The following DIS3L2 variants were observed in gnomAD, a reference collection of about 807,000 sequenced individuals.
The protein encoded by DIS3L2 is DIS3-like exonuclease 2.
In DIS3L2, 34 loss-of-function variants were observed where a neutral mutation model predicts 97.5. The observed-to-expected ratio is 0.35, with a 90% CI of 0.27 to 0.46. The LOEUF is 0.46. Ranked by LOEUF, DIS3L2 falls within the 20% of genes least tolerant of loss-of-function variation. The pLI, the probability that DIS3L2 is intolerant of heterozygous loss-of-function variation, is 1.00. For synonymous variants in DIS3L2, 435 were observed against 445.2 expected (o/e 0.98, Z 0.29); for missense variants, 1,038 against 1,146.0 (o/e 0.91, Z 1.36).
At chr2:231,980,088 A>G (rs1045326956) in intron 1 of DIS3L2, among the ~76,000 whole-genome samples, 1 of 152,172 alleles carries the variant, frequency 6.6e-6, no homozygotes, top group Non-Finnish European at 1.5e-5. Flanking sequence ...GTGTCATAGG[A>G]TGTTTTTCAA....
chr2:232,116,244 G>A (rs565303087), intron 6 of DIS3L2, among the ~76,000 whole-genome samples: 5 of 152,116 alleles, frequency 3.3e-5, no homozygotes, highest in African/African-American at 1.2e-4. Flanking sequence ...CTATTGTGAA[G>A]TTAAGCTTCA....
chr2:232,025,971 C>G (rs559440015), intron 4 of DIS3L2, among the ~76,000 whole-genome samples: 1 of 152,254 alleles, frequency 6.6e-6, no homozygotes, highest in South Asian at 2.1e-4. Context: ...TCCTGAGAGA[C>G]AGCTGGGAAC....
At chr2:232,008,909 T>C (rs865903517) in intron 1 of DIS3L2, among the ~76,000 whole-genome samples, 14 of 152,204 alleles carry the variant, frequency 9.2e-5, no homozygotes, top group East Asian at 5.8e-4. Context: ...AATTTCCTTG[T>C]TCTTTCTTTT....
chr2:231,993,271 T>C (rs1574793861), intron 1 of DIS3L2, among the ~76,000 whole-genome samples: 1 of 152,000 alleles, frequency 6.6e-6, no homozygotes, highest in South Asian at 2.1e-4. Context: ...TGGAGTGCAG[T>C]GGTACGATCT....
chr2:232,130,515 G>A, intron 6 of DIS3L2, 104 bp from the exon 7 acceptor site: 3 of 1,360,750 alleles, frequency 2.2e-6, no homozygotes, highest in Non-Finnish European at 3.0e-6. Context: ...AGTAGTTTGG[G>A]GTAACTGGTA....
intron 1 of DIS3L2, among the ~76,000 whole-genome samples, chr2:231,993,813 G>C (rs1008432929): frequency 1.4e-5 from 2 of 142,088 alleles, no homozygotes; most frequent in African/African-American, 2.6e-5. Context: ...GGTTAACATT[G>C]TTGAATAAGA....
chr2:231,990,591 A>G (rs1360280963), intron 1 of DIS3L2, among the ~76,000 whole-genome samples: 2 of 152,264 alleles, frequency 1.3e-5, no homozygotes, highest in Non-Finnish European at 1.5e-5. Flanking sequence ...TGTTGAAACA[A>G]TTTCCACCTT....
At chr2:232,190,336 A>G (rs757363255) in intron 9 of DIS3L2, among the ~76,000 whole-genome samples, 1 of 152,136 alleles carries the variant, frequency 6.6e-6, no homozygotes, top group Non-Finnish European at 1.5e-5. Flanking sequence ...CCTGTCTCAA[A>G]ATAGGAAAAG....
At chr2:232,254,003 T>C (rs1179420646) in intron 12 of DIS3L2, among the ~76,000 whole-genome samples, 1 of 152,218 alleles carries the variant, frequency 6.6e-6, no homozygotes, top group Non-Finnish European at 1.5e-5. Context: ...CAGAGTGTTT[T>C]AAAACAAACC....
chr2:232,257,987 A>G (rs916619599), intron 12 of DIS3L2, among the ~76,000 whole-genome samples: 2 of 152,198 alleles, frequency 1.3e-5, no homozygotes, highest in African/African-American at 4.8e-5. Flanking sequence ...TGTTTTCTCA[A>G]CTGTAAAATG....
intron 7 of DIS3L2, among the ~76,000 whole-genome samples, chr2:232,133,735 A>G (rs1698279694): frequency 6.6e-6 from 1 of 152,172 alleles, no homozygotes; most frequent in South Asian, 2.1e-4. Flanking sequence ...CTGTAATCCC[A>G]GCACTTTGGG....
chr2:232,055,955 C>T (rs925858050), intron 5 of DIS3L2, among the ~76,000 whole-genome samples: 1 of 152,042 alleles, frequency 6.6e-6, no homozygotes, highest in Admixed American at 6.5e-5. Context: ...ATACCATGCA[C>T]AAAAATCAAT....
At chr2:232,312,517 G>A (rs11897508) in intron 14 of DIS3L2, among the ~76,000 whole-genome samples, 1 of 152,030 alleles carries the variant, frequency 6.6e-6, no homozygotes, top group Admixed American at 6.5e-5. Flanking sequence ...AATCTTGATA[G>A]CCAGTAGAGC....
intron 8 of DIS3L2, 84 bp downstream of exon 8, chr2:232,136,803 TA>T (rs1188870489): frequency 2.7e-6 from 4 of 1,505,884 alleles, no homozygotes; most frequent in Non-Finnish European, 3.6e-6. Context: ...TTGTGTATTT[TA>T]ATTATTATTT....
intron 1 of DIS3L2, among the ~76,000 whole-genome samples, chr2:232,000,186 T>C (rs970220584): frequency 6.6e-6 from 1 of 152,234 alleles, no homozygotes; most frequent in East Asian, 1.9e-4. Context: ...GTTGTTATGC[T>C]GTATTTTTAA....
chr2:232,324,162 C>G (rs543358378), intron 14 of DIS3L2, among the ~76,000 whole-genome samples: 1 of 152,326 alleles, frequency 6.6e-6, no homozygotes, highest in South Asian at 2.1e-4. Context: ...TGGTTGGGTA[C>G]ACAGCTTCTG....
chr2:232,014,800 C>A, intron 1 of DIS3L2, 35 bp from the exon 2 acceptor site: 3 of 977,908 alleles, frequency 3.1e-6, no homozygotes, highest in South Asian at 1.8e-5. Context: ...TACAGCTTAA[C>A]CGCTCTCCAA....
chr2:232,214,988 A>G (rs1692293560), intron 10 of DIS3L2, among the ~76,000 whole-genome samples: 1 of 152,208 alleles, frequency 6.6e-6, no homozygotes, highest in Non-Finnish European at 1.5e-5. Flanking sequence ...AATGATGGTT[A>G]ATGGGTTTCA....
At chr2:232,184,635 A>G (rs371401952) in intron 9 of DIS3L2, among the ~76,000 whole-genome samples, 1 of 152,106 alleles carries the variant, frequency 6.6e-6, no homozygotes, top group African/African-American at 2.4e-5. Context: ...GGGAAACAGA[A>G]CAAGACACTA....
Sources: allele counts gnomAD v4.1 joint callset (sites outside exome capture counted in the v4.1 genomes callset), GRCh38; gene constraint gnomAD v4.1.1; transcripts MANE v1.5; gene names NCBI Gene and HGNC (gene_info 2026-07-23, HGNC 2026-07-21).